PACRG: variants seen among roughly 807,000 people sequenced by gnomAD.
PACRG encodes parkin coregulated gene protein.
Under a neutral mutation model 29.7 loss-of-function variants are expected in PACRG, and 29 were observed. The observed-to-expected ratio is 0.98, with a 90% CI of 0.73 to 1.33. The LOEUF (loss-of-function observed/expected upper bound fraction) is 1.33. Ranked by LOEUF, PACRG falls within the 40% of genes most tolerant of loss-of-function variation. The pLI is 0.00. For missense variants in PACRG, 279 were observed against 316.2 expected, an observed-to-expected ratio of 0.88 and a Z score of 0.89; for synonymous variants, 116 against 118.7, an observed-to-expected ratio of 0.98 and a Z score of 0.15.
intron 2 of PACRG, among the ~76,000 whole-genome samples, chr6:162,907,194 G>T (rs1584723478): frequency 6.6e-6 from 1 of 152,086 alleles, no homozygotes; most frequent in South Asian, 2.1e-4. Context: ...TGGAAAATAT[G>T]AACTTGTTTA....
Position 162,833,156 on chromosome 6 carries a change from CA to C in PACRG, c.291+18879del, listed in dbSNP as rs1562643801. On this transcript the variant is annotated intron_variant, in intron 2 of 4. Transcript: ENST00000366888. ...AAAAATAATAATTTGTCATAATTTC[CA>C]AAAGAAATTATTACAGCCTTCCTAT... is the stretch of plus-strand genomic sequence containing the variant. 2.6e-5 allele frequency among the ~76,000 whole-genome samples: 4 copies of C among 152,028 alleles called. No homozygotes were observed. In the South Asian group the frequency reaches 6.2e-4, roughly 24 times the overall value.
chr6:162,947,545 C>CATAT (rs4056363), intron 2 of PACRG, among the ~76,000 whole-genome samples: 3 of 75,512 alleles, frequency 4.0e-5, no homozygotes, highest in African/African-American at 1.4e-4. Flanking sequence ...CATATATAAT[C>CATAT]ATATATATAT....
At chr6:162,865,005 C>T (rs1792176380) in intron 2 of PACRG, among the ~76,000 whole-genome samples, 1 of 152,186 alleles carries the variant, frequency 6.6e-6, no homozygotes. Flanking sequence ...GGAGAATGAT[C>T]TATAGCTGTT....
intron 4 of PACRG, among the ~76,000 whole-genome samples, chr6:163,238,875 A>T (rs1307133932): frequency 6.6e-6 from 1 of 152,138 alleles, no homozygotes; most frequent in Non-Finnish European, 1.5e-5. Context: ...TTTGTCCTTC[A>T]TACTTGAGTT....
intron 2 of PACRG, 172 bp downstream of exon 2, chr6:162,814,453 AAC>A: frequency 1.4e-6 from 1 of 713,652 alleles, no homozygotes; most frequent in Non-Finnish European, 2.2e-6. Context: ...CACCTTGACT[AAC>A]AATTAAATTA....
chr6:162,908,969 T>C (rs1796117730), intron 2 of PACRG, among the ~76,000 whole-genome samples: 1 of 152,150 alleles, frequency 6.6e-6, no homozygotes, highest in Non-Finnish European at 1.5e-5. Context: ...GAGTGACCCC[T>C]CTAGAACAAA....
intron 2 of PACRG, among the ~76,000 whole-genome samples, chr6:162,996,112 TAAATC>T (rs1253225708): frequency 2.0e-5 from 3 of 152,132 alleles, no homozygotes; most frequent in Non-Finnish European, 4.4e-5. Context: ...GAGAATAAAT[TAAATC>T]TTCTCACCAC....
chr6:162,856,611 C>T (rs2128435029), intron 2 of PACRG, among the ~76,000 whole-genome samples: 1 of 152,182 alleles, frequency 6.6e-6, no homozygotes, highest in African/African-American at 2.4e-5. Flanking sequence ...TCTCTCCACA[C>T]AAATGGTAAA....
At chr6:163,012,409 A>G (rs187729942) in intron 2 of PACRG, among the ~76,000 whole-genome samples, 10 of 152,382 alleles carry the variant, frequency 6.6e-5, no homozygotes, top group Non-Finnish European at 1.2e-4. Flanking sequence ...AGCCAAGATC[A>G]GCAAATAACA....
At chr6:162,830,657 A>G (rs903446349) in intron 2 of PACRG, among the ~76,000 whole-genome samples, 2 of 152,204 alleles carry the variant, frequency 1.3e-5, no homozygotes, top group Non-Finnish European at 2.9e-5. Context: ...ATGATTTTAG[A>G]CAGCAAGGAT....
rs111734947 is a variant in PACRG, at chr6:163,152,983, T to C, written c.613+63575T>C. ...GCTGCTTCAGGGGAGAGCCAGTGTT[T>C]TGCAGTCTAGTGAACTAATTATGCA... On this transcript the variant is annotated intron_variant, in intron 4 of 4. Transcript: ENST00000366888. 7.2e-4 allele frequency among the ~76,000 whole-genome samples: 110 copies of C among 152,282 alleles called. 1 individual carries two copies. Among genetic ancestry groups the C allele is most frequent in the African/African-American group, 2.2e-3 (93 of 41,554 alleles).
In PACRG at chr6:162,947,625, T is replaced by TATATAATC. The variant is rs1554313417; in HGVS notation, c.292-114520_292-114519insATCATATA. On this transcript the variant is annotated intron_variant, in intron 2 of 4. Coordinates refer to ENST00000366888, the MANE Select transcript of PACRG (RefSeq NM_001080379.2). ...ATATATATAATCATATATATATATA[T>TATATAATC]ATATATATATATATATATATATACA... is the stretch of plus-strand genomic sequence containing the variant. Among the ~76,000 whole-genome samples the TATATAATC allele has an allele frequency of 1.6e-3, 86 of 53,380 alleles. 1 individual carries two copies. The highest frequency in any genetic ancestry group is 5.9e-3 in the African/African-American group (83 of 14,076). 35.0% of individuals were successfully genotyped at this position (53,380 alleles called of 152,430 possible). A position where few individuals can be genotyped will look rare whatever the true frequency, so the allele number is the denominator to read the frequency against.
chr6:162,844,252 T>C (rs1790121302), intron 2 of PACRG, among the ~76,000 whole-genome samples: 1 of 152,096 alleles, frequency 6.6e-6, no homozygotes, highest in Admixed American at 6.5e-5. Flanking sequence ...CCAGCGAGAC[T>C]CCGTGGGCGT....
intron 2 of PACRG, among the ~76,000 whole-genome samples, chr6:162,847,512 A>G (rs981528183): frequency 6.7e-6 from 1 of 150,150 alleles, no homozygotes; most frequent in Non-Finnish European, 1.5e-5. Context: ...CTCAGCAATA[A>G]CATCTAGTAT....
intron 4 of PACRG, among the ~76,000 whole-genome samples, chr6:163,299,389 C>T (rs573323495): frequency 8.5e-5 from 13 of 152,274 alleles, no homozygotes; most frequent in South Asian, 6.2e-4. Context: ...GCCCCATAGA[C>T]GTGTCAGGAA....
chr6:162,753,999 C>A (rs760449232), intron 1 of PACRG, among the ~76,000 whole-genome samples: 14 of 152,134 alleles, frequency 9.2e-5, no homozygotes, highest in Non-Finnish European at 1.9e-4. Context: ...ATGATGTATA[C>A]TCAGAAGTGG....
At chr6:162,891,062 G>A (rs114612727) in intron 2 of PACRG, among the ~76,000 whole-genome samples, 1,806 of 152,232 alleles carry the variant, frequency 0.012, 32 homozygotes, top group African/African-American at 0.041. Context: ...TACGTGGTCC[G>A]ATACTTGTAT....
At chr6:163,129,032 C>T (rs1340937151) in intron 4 of PACRG, among the ~76,000 whole-genome samples, 1 of 151,800 alleles carries the variant, frequency 6.6e-6, no homozygotes, top group South Asian at 2.1e-4. Flanking sequence ...GAGGAAAACA[C>T]CTAAAACCCA....
At chr6:162,942,364 A>G (rs1798693191) in intron 2 of PACRG, among the ~76,000 whole-genome samples, 1 of 151,896 alleles carries the variant, frequency 6.6e-6, no homozygotes, top group Admixed American at 6.6e-5. Flanking sequence ...AGTTTATTAG[A>G]CCTTTCTTTC....
Sources: allele counts gnomAD v4.1 joint callset (sites outside exome capture counted in the v4.1 genomes callset), GRCh38; gene constraint gnomAD v4.1.1; transcripts MANE v1.5; gene names NCBI Gene and HGNC (gene_info 2026-07-23, HGNC 2026-07-21).